Variants in CES5A observed in about 807,000 individuals in gnomAD.
CES5A encodes carboxylesterase 5.
In CES5A, 67 loss-of-function variants were observed where a neutral mutation model predicts 62.9. That is an observed-to-expected ratio of 1.07 (90% confidence interval 0.88 to 1.31). The LOEUF (loss-of-function observed/expected upper bound fraction) is 1.31. Ranked by LOEUF, CES5A falls within the 50% of genes most tolerant of loss-of-function variation. CES5A has a pLI of 0.00. For missense variants in CES5A, 748 were observed against 708.5 expected (o/e 1.06, Z -0.63); for synonymous variants, 296 against 280.8 (o/e 1.05, Z -0.54).
chr16:55,872,597 C>T (rs1366812567), intron 2 of CES5A, among the ~76,000 whole-genome samples: 3 of 152,302 alleles, frequency 2.0e-5, no homozygotes, highest in African/African-American at 4.8e-5. Context: ...ATGCTTCTAC[C>T]ATACTGTGTA....
At chr16:55,859,735 T>C (rs2033315582) in intron 7 of CES5A, 48 bp from the exon 8 acceptor site, 1 of 1,562,806 alleles carries the variant, frequency 6.4e-7, no homozygotes, top group Non-Finnish European at 8.7e-7. Flanking sequence ...CAGCTATTTC[T>C]GTTCACAAAA....
chr16:55,878,941 G>T (rs1197749303), upstream of CES5A, among the ~76,000 whole-genome samples: 3 of 100,174 alleles, frequency 3.0e-5, no homozygotes, highest in African/African-American at 1.2e-4. Context: ...ACCTCCCACT[G>T]CACCCCATCA....
chr16:55,948,335 G>C lies in CES5A; in HGVS notation c.160+1450C>G, dbSNP rs141731930. 2.0e-5 allele frequency among the ~76,000 whole-genome samples: 3 copies of C among 152,302 alleles called. No homozygotes were observed. In the East Asian group the frequency reaches 5.8e-4, roughly 29 times the overall value. On this transcript the variant is annotated intron_variant, in intron 2 of 13. Transcript: ENST00000521992. ...CTCACTGAATCCACATGTTTCATGT[G>C]AAAAGGAGGGGGCAGAGGAACAGTC...
intron 2 of CES5A, among the ~76,000 whole-genome samples, chr16:55,933,161 C>A (rs367869986): frequency 6.6e-6 from 1 of 152,134 alleles, no homozygotes; most frequent in Admixed American, 6.5e-5. Context: ...GAAGGAGGCA[C>A]GTCATGGGTT....
At chr16:55,943,231 C>T (rs891202497) in intron 2 of CES5A, among the ~76,000 whole-genome samples, 2 of 152,218 alleles carry the variant, frequency 1.3e-5, no homozygotes, top group Admixed American at 6.5e-5. Context: ...ACCATTTTCA[C>T]ATCCATTCCC....
At chr16:55,885,238 A>G (rs1252313351) in intron 1 of CES5A, among the ~76,000 whole-genome samples, 1 of 152,000 alleles carries the variant, frequency 6.6e-6, no homozygotes, top group Admixed American at 6.6e-5. Context: ...CACCAGCAAA[A>G]TCTAGCAATT....
chr16:55,948,604 A>T (rs1238782925), intron 2 of CES5A, among the ~76,000 whole-genome samples: 5 of 152,168 alleles, frequency 3.3e-5, no homozygotes, highest in Non-Finnish European at 7.3e-5. Flanking sequence ...TGAACAAAAG[A>T]AAAGGCAAGT....
Position 55,920,592 on chromosome 16 carries a change from T to C in CES5A, c.-256+4731A>G, listed in dbSNP as rs112866597. Among the ~76,000 whole-genome samples, 264 of 152,086 alleles carry C rather than the reference T, an allele frequency of 1.7e-3. 2 individuals are homozygous for C. The highest frequency in any genetic ancestry group is 6.1e-3 in the African/African-American group (253 of 41,480). ...CCTGGGCTTAAAGCGCTACCTAGAG[T>C]TGAAAATGAGTCAATTACCTAGTGG... On this transcript the variant is annotated intron_variant, in intron 1 of 12. Coordinates refer to the CES5A transcript ENST00000518005.
At chr16:55,872,024 C>G (rs915486462) in intron 2 of CES5A, among the ~76,000 whole-genome samples, 1 of 152,164 alleles carries the variant, frequency 6.6e-6, no homozygotes, top group Non-Finnish European at 1.5e-5. Flanking sequence ...CCCCACCACC[C>G]TCCCATGCCT....
In CES5A at chr16:55,855,023, C is replaced by A. The variant is rs149350334; in HGVS notation, c.1125+1354G>T. On this transcript the variant is annotated intron_variant, in intron 9 of 12. Coordinates refer to ENST00000290567, the MANE Select transcript of CES5A (RefSeq NM_001143685.2). ...TCCTCTTGGTTCTTCCCAGTTTCTC[C>A]ACCCACCCCTTCCATCACCAGACAA... 2.2e-3 allele frequency among the ~76,000 whole-genome samples: 342 copies of A among 152,302 alleles called. 3 individuals carry two copies. The highest frequency in any genetic ancestry group is 0.014 in the Middle Eastern group (4 of 294).
At chr16:55,931,498 C>A (rs780305502) in intron 2 of CES5A, among the ~76,000 whole-genome samples, 8 of 152,226 alleles carry the variant, frequency 5.3e-5, no homozygotes, top group Non-Finnish European at 8.8e-5. Flanking sequence ...TGATCTGGCC[C>A]TTGCTCTGTC....
intron 9 of CES5A, among the ~76,000 whole-genome samples, chr16:55,853,510 C>A (rs2033173103): frequency 1.3e-5 from 2 of 152,188 alleles, no homozygotes; most frequent in African/African-American, 4.8e-5. Context: ...TGAAACCAGC[C>A]CTGTTCCTGG....
At chr16:55,850,955 G>A (rs1158011934) in intron 10 of CES5A, among the ~76,000 whole-genome samples, 3 of 152,086 alleles carry the variant, frequency 2.0e-5, no homozygotes, top group African/African-American at 7.2e-5. Flanking sequence ...AAGAATAAAG[G>A]TAGATTCTTC....
At chr16:55,921,848 T>C (rs1270543639) in intron 1 of CES5A, among the ~76,000 whole-genome samples, 2 of 151,868 alleles carry the variant, frequency 1.3e-5, no homozygotes, top group Non-Finnish European at 1.5e-5. Context: ...TATAAAAATA[T>C]GTAAGTTGAG....
At chr16:55,919,875 C>G (rs924536489) in intron 1 of CES5A, among the ~76,000 whole-genome samples, 2 of 152,148 alleles carry the variant, frequency 1.3e-5, no homozygotes, top group African/African-American at 4.8e-5. Context: ...GAGTTAAATA[C>G]AGTGTGTCCT....
intron 1 of CES5A, among the ~76,000 whole-genome samples, chr16:55,883,553 G>A (rs1011068922): frequency 6.6e-6 from 1 of 152,192 alleles, no homozygotes; most frequent in Non-Finnish European, 1.5e-5. Context: ...GATTACAGGT[G>A]TGAGCCACTG....
At chr16:55,882,112 T>C (rs986315303) in intron 1 of CES5A, among the ~76,000 whole-genome samples, 2 of 152,156 alleles carry the variant, frequency 1.3e-5, no homozygotes, top group Admixed American at 1.3e-4. Context: ...CCTTACTAGA[T>C]CTTTCCAGAT....
chr16:55,846,942 T>G (rs11076121), intron 11 of CES5A, 102 bp from the exon 12 acceptor site: 274,595 of 954,814 alleles, frequency 0.29, 43,223 homozygotes, highest in East Asian at 0.5. Context: ...CCTCCCACTG[T>G]AAACTTACAA....
At chr16:55,879,667 T>A (rs1340957794), upstream of CES5A, among the ~76,000 whole-genome samples, 1 of 152,202 alleles carries the variant, frequency 6.6e-6, no homozygotes, top group African/African-American at 2.4e-5. Context: ...TTGAGCACAG[T>A]GGCATGACAA....
Sources: gnomAD v4.1 joint callset for allele counts (sites outside exome capture counted in the v4.1 genomes callset) on GRCh38, gnomAD v4.1.1 for gene constraint, MANE v1.5 for transcripts, NCBI Gene and HGNC (gene_info 2026-07-23, HGNC 2026-07-21) for gene names.